Variants in FHIT observed in about 807,000 individuals in gnomAD.
The protein encoded by FHIT is fragile histidine triad diadenosine triphosphatase, also known as bis(5'-adenosyl)-triphosphatase.
A neutral mutation model predicts 17.9 loss-of-function variants in FHIT; 19 were observed. The observed-to-expected ratio is 1.06, with a 90% CI of 0.74 to 1.56. The LOEUF (loss-of-function observed/expected upper bound fraction) is 1.56, where lower values mean the gene tolerates loss of function less well. Ranked by LOEUF, FHIT falls within the 40% of genes most tolerant of loss-of-function variation. The pLI is 0.00. For synonymous variants in FHIT, 81 were observed against 69.7 expected, an observed-to-expected ratio of 1.16 and a Z score of -0.81; for missense variants, 248 against 189.2, an observed-to-expected ratio of 1.31 and a Z score of -1.82.
chr3:60,957,145 T>C (rs1041901370), intron 3 of FHIT, among the ~76,000 whole-genome samples: 3 of 151,654 alleles, frequency 2.0e-5, no homozygotes, highest in African/African-American at 4.8e-5. Flanking sequence ...TATGGGTTCA[T>C]AGTAAAAAGC....
chr3:61,089,315 A>T (rs1004166496), intron 2 of FHIT, among the ~76,000 whole-genome samples: 2 of 152,178 alleles, frequency 1.3e-5, no homozygotes, highest in African/African-American at 2.4e-5. Flanking sequence ...TTGTGGAACA[A>T]CTACCTGTAT....
At chr3:60,092,135 G>A (rs1336824632) in intron 5 of FHIT, among the ~76,000 whole-genome samples, 1 of 152,130 alleles carries the variant, frequency 6.6e-6, no homozygotes, top group East Asian at 1.9e-4. Context: ...ACCCCTCTCA[G>A]AAGCTATGCC....
intron 5 of FHIT, among the ~76,000 whole-genome samples, chr3:60,060,290 G>C (rs1051799348): frequency 6.6e-6 from 1 of 152,032 alleles, no homozygotes; most frequent in Admixed American, 6.5e-5. Flanking sequence ...CAACTTTCTA[G>C]CTATCTCAAA....
intron 4 of FHIT, among the ~76,000 whole-genome samples, chr3:60,688,213 G>A (rs2040903411): frequency 6.6e-6 from 1 of 151,974 alleles, no homozygotes. Flanking sequence ...AACATATCAG[G>A]TACAGGGGAA....
chr3:60,300,425 A>C (rs146222658), intron 5 of FHIT, among the ~76,000 whole-genome samples: 1 of 152,270 alleles, frequency 6.6e-6, no homozygotes, highest in African/African-American at 2.4e-5. Flanking sequence ...TAGAGTCAAA[A>C]GACTCAAGTT....
rs1005078918 is a variant in FHIT at position 60,975,486 on chromosome 3, C to A, written c.-111+66561G>T. Among the ~76,000 whole-genome samples the A allele has an allele frequency of 6.6e-5, 10 of 152,192 alleles. No individual in the cohort carries two copies. In the East Asian group the frequency reaches 1.9e-3, roughly 29 times the overall value. ...AATCACTGTCTCCAGGAGGAACAGA[C>A]TAAAGAGAGAAAGATTACAAAAGAA... On this transcript the variant is annotated intron_variant, in intron 3 of 9. Coordinates refer to ENST00000492590, the MANE Select transcript of FHIT (RefSeq NM_002012.4).
At chr3:60,986,329 T>C (rs1032201743) in intron 3 of FHIT, among the ~76,000 whole-genome samples, 2 of 152,168 alleles carry the variant, frequency 1.3e-5, no homozygotes, top group Admixed American at 1.3e-4. Flanking sequence ...TCCCACTAGA[T>C]TAAGAGGTTG....
intron 2 of FHIT, among the ~76,000 whole-genome samples, chr3:61,061,226 C>A (rs2034418190): frequency 1.3e-5 from 2 of 152,160 alleles, no homozygotes; most frequent in Admixed American, 1.3e-4. Context: ...TTTCCCCCCT[C>A]CTTTGAGTCT....
At chr3:60,906,348 T>C (rs1483341956) in intron 3 of FHIT, among the ~76,000 whole-genome samples, 36 of 152,184 alleles carry the variant, frequency 2.4e-4, no homozygotes, top group Admixed American at 3.9e-4. Context: ...AAGAATCCTG[T>C]GATGTTGAAT....
intron 3 of FHIT, among the ~76,000 whole-genome samples, chr3:61,028,112 A>G (rs922405620): frequency 1.6e-4 from 24 of 152,198 alleles, no homozygotes; most frequent in African/African-American, 5.5e-4. Context: ...AAGGCTACCA[A>G]ATTAGATCAT....
chr3:60,603,833 A>C (rs1559574007), intron 4 of FHIT, among the ~76,000 whole-genome samples: 1 of 152,138 alleles, frequency 6.6e-6, no homozygotes, highest in Non-Finnish European at 1.5e-5. Context: ...TCATTTTTGT[A>C]AATAGATCTC....
chr3:59,960,099 C>T (rs1352364391), intron 7 of FHIT, among the ~76,000 whole-genome samples: 3 of 151,958 alleles, frequency 2.0e-5, no homozygotes, highest in African/African-American at 7.3e-5. Context: ...CAGTGGAAAC[C>T]ACTGAAAAAT....
chr3:60,001,413 C>T (rs1015724608), intron 7 of FHIT, among the ~76,000 whole-genome samples: 4 of 152,024 alleles, frequency 2.6e-5, no homozygotes, highest in Admixed American at 6.6e-5. Flanking sequence ...GAGCCTGTGA[C>T]GATATCTGGC....
chr3:61,043,500 C>T (rs139317615), intron 2 of FHIT, among the ~76,000 whole-genome samples: 2,146 of 152,292 alleles, frequency 0.014, 31 homozygotes, highest in South Asian at 0.062. Context: ...TGGAGCCCAC[C>T]GCAGCTCAAG....
intron 7 of FHIT, among the ~76,000 whole-genome samples, chr3:60,001,865 C>T (rs772838764): frequency 3.3e-5 from 5 of 152,082 alleles, no homozygotes; most frequent in Non-Finnish European, 7.4e-5. Context: ...GGAATTTATA[C>T]CATTTACAAC....
intron 8 of FHIT, among the ~76,000 whole-genome samples, chr3:59,810,642 C>T (rs1462159920): frequency 6.6e-6 from 1 of 152,168 alleles, no homozygotes; most frequent in Non-Finnish European, 1.5e-5. Flanking sequence ...TAATTTATAG[C>T]ATATTCATCA....
At chr3:60,186,531 G>A (rs962373330) in intron 5 of FHIT, among the ~76,000 whole-genome samples, 2 of 152,156 alleles carry the variant, frequency 1.3e-5, no homozygotes, top group African/African-American at 2.4e-5. Context: ...GACAGTGGCA[G>A]GGCAATGTCA....
intron 7 of FHIT, among the ~76,000 whole-genome samples, chr3:59,998,635 G>C (rs1699610136): frequency 6.6e-6 from 1 of 152,038 alleles, no homozygotes; most frequent in African/African-American, 2.4e-5. Flanking sequence ...GTAACAAGTG[G>C]TTCTCTGGAA....
chr3:60,759,833 A>G (rs541937428), intron 4 of FHIT, among the ~76,000 whole-genome samples: 38 of 152,186 alleles, frequency 2.5e-4, no homozygotes, highest in Non-Finnish European at 4.4e-4. Context: ...TGTGCAGGCA[A>G]CTCCTCTGAT....
Sources: allele counts gnomAD v4.1 joint callset (sites outside exome capture counted in the v4.1 genomes callset), GRCh38; gene constraint gnomAD v4.1.1; transcripts MANE v1.5; gene names NCBI Gene and HGNC (gene_info 2026-07-23, HGNC 2026-07-21).